Variants in MIPEP observed in about 807,000 individuals in gnomAD.
MIPEP encodes the protein mitochondrial intermediate peptidase.
MIPEP carries 79 observed loss-of-function variants against 90.3 expected under a neutral mutation model. That is an observed-to-expected ratio of 0.87 (90% CI 0.73 to 1.05). MIPEP has a LOEUF of 1.05. Among genes scored for constraint, MIPEP ranks in the 50% least tolerant of loss-of-function variants. The pLI, the probability that MIPEP is intolerant of heterozygous loss-of-function variation, is 0.00. For missense variants in MIPEP, 940 were observed against 905.6 expected, an observed-to-expected ratio of 1.04 and a Z score of -0.49; for synonymous variants, 334 against 315.8, an observed-to-expected ratio of 1.06 and a Z score of -0.61.
chr13:23,737,109 C>T (rs918864621), intron 18 of MIPEP, among the ~76,000 whole-genome samples: 1 of 152,238 alleles, frequency 6.6e-6, no homozygotes, highest in Admixed American at 6.5e-5. Context: ...CCCATGAGCA[C>T]TTGTACCCAA....
intron 16 of MIPEP, among the ~76,000 whole-genome samples, chr13:23,772,946 T>G (rs557857393): frequency 6.6e-6 from 1 of 152,354 alleles, no homozygotes; most frequent in East Asian, 1.9e-4. Flanking sequence ...TGGTTTTCAG[T>G]ATATTCACAA....
chr13:23,735,993 T>A (rs1952259921), intron 18 of MIPEP, among the ~76,000 whole-genome samples: 1 of 152,174 alleles, frequency 6.6e-6, no homozygotes, highest in Admixed American at 6.5e-5. Flanking sequence ...GTAAAAAAAT[T>A]CCAAGAAAGC....
intron 10 of MIPEP, among the ~76,000 whole-genome samples, chr13:23,848,393 C>T (rs1300744943): frequency 6.6e-6 from 1 of 152,178 alleles, no homozygotes; most frequent in Non-Finnish European, 1.5e-5. Flanking sequence ...AACACTGTGT[C>T]AAGAAGCTGT....
At chr13:23,806,721 T>TATCTATCTATCTATCTATCTATC (rs1327394019) in intron 15 of MIPEP, among the ~76,000 whole-genome samples, 4 of 105,208 alleles carry the variant, frequency 3.8e-5, no homozygotes, top group African/African-American at 1.9e-4. Flanking sequence ...AATCTATATC[T>TATCTATCTATCTATCTATCTATC]ATCTATCTAT....
chr13:23,745,695 A>G (rs1952374749), intron 18 of MIPEP, among the ~76,000 whole-genome samples: 1 of 152,130 alleles, frequency 6.6e-6, no homozygotes, highest in African/African-American at 2.4e-5. Context: ...TGGGAGGCCG[A>G]GGCGGGCGGA....
intron 10 of MIPEP, among the ~76,000 whole-genome samples, chr13:23,858,591 C>G (rs541384238): frequency 6.6e-6 from 1 of 151,190 alleles, no homozygotes; most frequent in Non-Finnish European, 1.5e-5. Context: ...TGGGATACAA[C>G]AAGGATTCCA....
chr13:23,742,667 T>G (rs1181799396), intron 18 of MIPEP, among the ~76,000 whole-genome samples: 1 of 152,232 alleles, frequency 6.6e-6, no homozygotes, highest in Non-Finnish European at 1.5e-5. Context: ...ATCATAAAAC[T>G]ATCATAAAAC....
intron 4 of MIPEP, 54 bp downstream of exon 4, chr13:23,879,214 C>A: frequency 9.1e-7 from 1 of 1,099,616 alleles, no homozygotes; most frequent in South Asian, 1.3e-5. Context: ...GAGAGTCTCC[C>A]AACCTCACCT....
At chr13:23,762,564 C>T (rs1408950946) in intron 16 of MIPEP, among the ~76,000 whole-genome samples, 1 of 152,182 alleles carries the variant, frequency 6.6e-6, no homozygotes, top group Admixed American at 6.5e-5. Flanking sequence ...ATCCGTTCTC[C>T]TCTTTCTGTA....
Position 23,837,729 on chromosome 13 carries a change from T to G in MIPEP, c.1366A>C (p.Arg456=). Residue 456 remains arginine, a synonymous_variant, in exon 13 of 19, where the codon AGA becomes CGA. Transcript: ENST00000382172. ...QDCHFTIRGG[R]LKEDGDYQLP... ...TGATAGTCTCCATCTTCCTTTAGTC[T>G]GCCTCCACGGATAGTGAAATGGCAA... is the stretch of plus-strand genomic sequence containing the variant. 2 of 1,613,648 alleles carry G rather than the reference T, an allele frequency of 1.2e-6. No homozygotes were observed. The highest frequency in any genetic ancestry group is 1.7e-6 in the Non-Finnish European group (2 of 1,179,532).
At chr13:23,777,817 T>A (rs960955856) in intron 16 of MIPEP, among the ~76,000 whole-genome samples, 9 of 152,196 alleles carry the variant, frequency 5.9e-5, no homozygotes, top group Non-Finnish European at 1.2e-4. Context: ...AGTACTGTGC[T>A]TCTCTAAACT....
chr13:23,847,366 C>G (rs1869590645), intron 10 of MIPEP, among the ~76,000 whole-genome samples: 1 of 149,962 alleles, frequency 6.7e-6, no homozygotes, highest in Non-Finnish European at 1.5e-5. Context: ...AAGGAGAGAA[C>G]AGGAAGTCTG....
At chr13:23,782,991 G>A (rs1367257995) in intron 16 of MIPEP, among the ~76,000 whole-genome samples, 1 of 152,134 alleles carries the variant, frequency 6.6e-6, no homozygotes, top group East Asian at 1.9e-4. Context: ...AAAAATCCAG[G>A]ACCAGACGGA....
chr13:23,760,194 G>T lies in MIPEP; in HGVS notation c.1872C>A (p.His624Gln). 6.2e-7 allele frequency: 1 copy of T among 1,614,058 alleles called. No homozygotes were observed. Among genetic ancestry groups the T allele is most frequent in the Non-Finnish European group, 8.5e-7 (1 of 1,179,972 alleles). Residue 624 changes from histidine (H) to glutamine (Q), a missense_variant, in exon 17 of 19, where the codon CAC (histidine) becomes CAA (glutamine). Transcript: ENST00000382172. ...PNTAWQLRFS[H>Q]LVGYGARYYS... ...AATATCTAGCACCATACCCCACGAGGTGGCTGAATCGCAGCTGCCAGGCCT... is the reference window on the plus strand; with the variant it reads ...AATATCTAGCACCATACCCCACGAGTTGGCTGAATCGCAGCTGCCAGGCCT...
chr13:23,794,681 A>G (rs1177970917), intron 16 of MIPEP, among the ~76,000 whole-genome samples: 1 of 152,198 alleles, frequency 6.6e-6, no homozygotes, highest in East Asian at 1.9e-4. Context: ...AAAGGGCAGC[A>G]TTATTCATGA....
At chr13:23,754,222 T>G (rs1027559031) in intron 18 of MIPEP, among the ~76,000 whole-genome samples, 4 of 152,162 alleles carry the variant, frequency 2.6e-5, no homozygotes, top group African/African-American at 9.7e-5. Context: ...ACCTGCTGTT[T>G]TGGGGTACAG....
Position 23,881,689 on chromosome 13 carries a change from C to G in MIPEP, c.452+10G>C, listed in dbSNP as rs1369733032. 2.5e-6 allele frequency: 4 copies of G among 1,607,902 alleles called. No individual in the cohort carries two copies. Among genetic ancestry groups the G allele is most frequent in the Non-Finnish European group, 1.7e-6 (2 of 1,174,642 alleles). On this transcript the variant is annotated intron_variant, in intron 3 of 18. Transcript: ENST00000382172. ...CTTGGCATGGAGGTGGGGAGGGGAA[C>G]AGCACATACTTCTCTACCATGGTGC...
intron 14 of MIPEP, among the ~76,000 whole-genome samples, chr13:23,832,601 AGAAGTTAC>A (rs1343999523): frequency 1.3e-5 from 2 of 152,202 alleles, no homozygotes; most frequent in Admixed American, 6.5e-5. Context: ...GCAACGGCGA[AGAAGTTAC>A]GCGGAAGGTA....
chr13:23,760,551 G>C (rs1408800983), intron 16 of MIPEP: 1 of 553,226 alleles, frequency 1.8e-6, no homozygotes, highest in Non-Finnish European at 3.7e-6. Context: ...TGGAAGAGGA[G>C]GAAAGGTGGA....
Sources: allele counts gnomAD v4.1 joint callset (sites outside exome capture counted in the v4.1 genomes callset), GRCh38; gene constraint gnomAD v4.1.1; transcripts MANE v1.5; gene names NCBI Gene and HGNC (gene_info 2026-07-23, HGNC 2026-07-21).